CSMD1: variants seen among roughly 807,000 people sequenced by gnomAD.
The protein encoded by CSMD1 is CUB and Sushi multiple domains 1.
CSMD1 carries 213 observed loss-of-function variants against 417.5 expected under a neutral mutation model. That is an observed-to-expected ratio of 0.51 (90% CI 0.46 to 0.57). The LOEUF (loss-of-function observed/expected upper bound fraction) is 0.57, where lower values mean the gene tolerates loss of function less well. Ranked by LOEUF, CSMD1 falls within the 20% of genes least tolerant of loss-of-function variation. The probability of loss-of-function intolerance (pLI) is 0.00; values close to 1 mark genes in which losing one functional copy is unlikely to be tolerated. For missense variants in CSMD1, 6,923 were observed against 4,529.7 expected, an observed-to-expected ratio of 1.53 and a Z score of -15.17; for synonymous variants, 2,862 against 1,736.8, an observed-to-expected ratio of 1.65 and a Z score of -16.11.
intron 1 of CSMD1, among the ~76,000 whole-genome samples, chr8:4,833,355 G>C (rs1242211024): frequency 6.6e-6 from 1 of 152,172 alleles, no homozygotes; most frequent in African/African-American, 2.4e-5. Context: ...GAAGGAGGAA[G>C]TGCTACACAC....
chr8:4,385,373 A>C (rs953721136), intron 3 of CSMD1, among the ~76,000 whole-genome samples: 1 of 152,248 alleles, frequency 6.6e-6, no homozygotes, highest in African/African-American at 2.4e-5. Flanking sequence ...ACGTGGCCCC[A>C]GCCTTAACAT....
At chr8:4,577,548 G>A (rs1186906189) in intron 2 of CSMD1, among the ~76,000 whole-genome samples, 2 of 152,124 alleles carry the variant, frequency 1.3e-5, no homozygotes, top group South Asian at 2.1e-4. Flanking sequence ...GTGGCCCACG[G>A]CATCCTTCCT....
At chr8:3,655,636 C>T (rs1232666620) in intron 7 of CSMD1, among the ~76,000 whole-genome samples, 2 of 146,830 alleles carry the variant, frequency 1.4e-5, no homozygotes, top group Non-Finnish European at 3.0e-5. Flanking sequence ...GCTGAGCCTA[C>T]AAGATGACTC....
At chr8:4,485,486 G>C (rs1801329359) in intron 2 of CSMD1, among the ~76,000 whole-genome samples, 1 of 152,166 alleles carries the variant, frequency 6.6e-6, no homozygotes, top group African/African-American at 2.4e-5. Context: ...TGGGCAGCAA[G>C]CCTGCTTCTT....
chr8:4,111,582 T>C (rs1291060462), intron 3 of CSMD1, among the ~76,000 whole-genome samples: 1 of 152,140 alleles, frequency 6.6e-6, no homozygotes, highest in East Asian at 1.9e-4. Flanking sequence ...TGGAATACTA[T>C]GCAAACATAA....
At chr8:4,736,870 G>C (rs1304361486) in intron 1 of CSMD1, among the ~76,000 whole-genome samples, 1 of 152,094 alleles carries the variant, frequency 6.6e-6, no homozygotes, top group Non-Finnish European at 1.5e-5. Context: ...TGCAGAGCTG[G>C]TATGTAAGCG....
intron 25 of CSMD1, among the ~76,000 whole-genome samples, chr8:3,289,098 T>A (rs1441898016): frequency 2.0e-5 from 3 of 147,366 alleles, no homozygotes; most frequent in Non-Finnish European, 1.5e-5. Context: ...GTCCTTGAGA[T>A]AGTTTGCTGA....
chr8:4,213,541 C>G (rs1389864234), intron 3 of CSMD1, among the ~76,000 whole-genome samples: 1 of 152,168 alleles, frequency 6.6e-6, no homozygotes, highest in Non-Finnish European at 1.5e-5. Context: ...GACAGACACA[C>G]AACGTCTAGA....
At chr8:3,716,906 T>C (rs1213429352) in intron 6 of CSMD1, among the ~76,000 whole-genome samples, 1 of 152,240 alleles carries the variant, frequency 6.6e-6, no homozygotes, top group East Asian at 1.9e-4. Context: ...GGTACTAAAA[T>C]GCTGGAGTAC....
chr8:4,891,354 T>A (rs1804111415), intron 1 of CSMD1, among the ~76,000 whole-genome samples: 1 of 152,112 alleles, frequency 6.6e-6, no homozygotes, highest in Non-Finnish European at 1.5e-5. Context: ...TGAAGTGAAT[T>A]AGAGAGCATT....
chr8:3,892,899 G>T (rs1449053292), intron 5 of CSMD1, among the ~76,000 whole-genome samples: 1 of 151,768 alleles, frequency 6.6e-6, no homozygotes, highest in African/African-American at 2.4e-5. Flanking sequence ...AAGCGTTGAT[G>T]TGGACAGAGC....
chr8:2,967,087 T>C (rs950469519), intron 57 of CSMD1, among the ~76,000 whole-genome samples: 4 of 152,220 alleles, frequency 2.6e-5, no homozygotes, highest in Non-Finnish European at 5.9e-5. Context: ...TGAATGTTTT[T>C]AATGCCGTGA....
intron 6 of CSMD1, among the ~76,000 whole-genome samples, chr8:3,732,495 C>T (rs1464822869): frequency 6.6e-6 from 1 of 151,856 alleles, no homozygotes; most frequent in Non-Finnish European, 1.5e-5. Flanking sequence ...ACCATAAGCT[C>T]AATAGCTATA....
chr8:3,637,030 C>T (rs1485044825), intron 7 of CSMD1, among the ~76,000 whole-genome samples: 1 of 152,092 alleles, frequency 6.6e-6, no homozygotes. Flanking sequence ...CATGGAATAA[C>T]GATGCAGAAA....
chr8:3,736,310 C>T (rs187249323), intron 6 of CSMD1, among the ~76,000 whole-genome samples: 3 of 152,090 alleles, frequency 2.0e-5, no homozygotes, highest in East Asian at 3.9e-4. Context: ...GGGGCAATCA[C>T]GACTCACTGC....
intron 1 of CSMD1, among the ~76,000 whole-genome samples, chr8:4,883,186 G>A (rs750507271): frequency 6.6e-6 from 1 of 152,048 alleles, no homozygotes; most frequent in Non-Finnish European, 1.5e-5. Flanking sequence ...GAATGCTGTA[G>A]AATGCTAGCA....
At chr8:3,091,688 A>C in intron 47 of CSMD1, 26 bp from the exon 48 acceptor site, 3 of 1,598,248 alleles carry the variant, frequency 1.9e-6, no homozygotes, top group Non-Finnish European at 2.6e-6. Flanking sequence ...AAACAAAAAC[A>C]TTCAGAGATG....
chr8:4,534,060 C>T (rs563010436), intron 2 of CSMD1, among the ~76,000 whole-genome samples: 2 of 151,982 alleles, frequency 1.3e-5, no homozygotes, highest in African/African-American at 4.8e-5. Context: ...GTAATTCAGG[C>T]ATATGTAAGG....
At chr8:4,840,625 C>T (rs1281492260) in intron 1 of CSMD1, among the ~76,000 whole-genome samples, 2 of 152,058 alleles carry the variant, frequency 1.3e-5, no homozygotes, top group South Asian at 2.1e-4. Flanking sequence ...ATTACATTAC[C>T]GAATGAGCAT....
Sources: gnomAD v4.1 joint callset for allele counts (sites outside exome capture counted in the v4.1 genomes callset) on GRCh38, gnomAD v4.1.1 for gene constraint, MANE v1.5 for transcripts, NCBI Gene and HGNC (gene_info 2026-07-23, HGNC 2026-07-21) for gene names.